Variants in REEP5 observed in about 807,000 individuals in gnomAD.
REEP5 encodes the protein receptor expression-enhancing protein 5.
REEP5 carries 24 observed loss-of-function variants against 22.4 expected under a neutral mutation model. That is an observed-to-expected ratio of 1.07 (90% CI 0.78 to 1.51). The LOEUF is 1.51. REEP5 is among the 40% of genes most tolerant of loss of function. The probability of loss-of-function intolerance (pLI) is 0.00; values close to 1 mark genes in which losing one functional copy is unlikely to be tolerated. For synonymous variants in REEP5, 103 were observed against 88.6 expected (o/e 1.16, Z -0.92); for missense variants, 252 against 233.0 (o/e 1.08, Z -0.53).
intron 4 of REEP5, among the ~76,000 whole-genome samples, chr5:112,886,809 A>C (rs1356995082): frequency 6.6e-6 from 1 of 152,266 alleles, no homozygotes; most frequent in African/African-American, 2.4e-5. Context: ...AGGCTACATT[A>C]AATGTGGCAT....
intron 3 of REEP5, chr5:112,896,638 T>C (rs544789473): frequency 6.6e-6 from 1 of 152,206 alleles, no homozygotes; most frequent in East Asian, 1.9e-4. Context: ...CTCAACCTTG[T>C]TCTAAAAATA....
At chr5:112,899,943 T>C (rs1264745044) in intron 3 of REEP5, among the ~76,000 whole-genome samples, 1 of 152,126 alleles carries the variant, frequency 6.6e-6, no homozygotes, top group Admixed American at 6.6e-5. Context: ...ACTCAAAAAG[T>C]TTGGGGTTTT....
chr5:112,885,818 A>T, intron 4 of REEP5: 1 of 207,384 alleles, frequency 4.8e-6, no homozygotes, highest in Middle Eastern at 7.6e-4. Flanking sequence ...GGTAGTGAAA[A>T]TCAAGGAAGC....
At position 112,877,801 on chromosome 5, in the gene REEP5, T is replaced by C. The variant is rs572632009; in HGVS notation, c.*985A>G. 1 of 152,312 alleles carries C rather than the reference T, an allele frequency of 6.6e-6. No homozygotes were observed. The highest frequency in any genetic ancestry group is 2.4e-5 in the African/African-American group (1 of 41,558). 9.4% of individuals were successfully genotyped at this position (152,312 alleles called of 1,614,324 possible). On this transcript the variant is annotated 3_prime_UTR_variant, in exon 5 of 5. Coordinates refer to ENST00000379638, the MANE Select transcript of REEP5 (RefSeq NM_005669.5). Reference sequence around the variant, plus strand: ...AGGTGGACAAATCTTCAGAAGTTCCTTAAACTGGTTTAAAAAAGAAGATTG... The same window carrying C: ...AGGTGGACAAATCTTCAGAAGTTCCCTAAACTGGTTTAAAAAAGAAGATTG...
At chr5:112,918,345 C>T (rs1249143987) in intron 2 of REEP5, among the ~76,000 whole-genome samples, 2 of 152,094 alleles carry the variant, frequency 1.3e-5, no homozygotes, top group Non-Finnish European at 2.9e-5. Flanking sequence ...TGCAGCAGAC[C>T]CTGACCAGGA....
intron 2 of REEP5, among the ~76,000 whole-genome samples, chr5:112,916,008 A>G (rs969979078): frequency 1.3e-5 from 2 of 152,212 alleles, no homozygotes; most frequent in Non-Finnish European, 2.9e-5. Flanking sequence ...ACTAGCTGCA[A>G]AACAGAAAGT....
chr5:112,920,423 A>G (rs1323929186), intron 2 of REEP5, among the ~76,000 whole-genome samples: 1 of 152,334 alleles, frequency 6.6e-6, no homozygotes, highest in South Asian at 2.1e-4. Context: ...GCAAAACAAA[A>G]TTCATTTCTG....
intron 2 of REEP5, among the ~76,000 whole-genome samples, chr5:112,917,090 C>CA (rs1769247269): frequency 6.6e-6 from 1 of 152,198 alleles, no homozygotes; most frequent in Non-Finnish European, 1.5e-5. Flanking sequence ...TATGAGATTT[C>CA]AAAAGTGTTG....
intron 3 of REEP5, chr5:112,892,293 G>A (rs1382331560): frequency 2.5e-6 from 4 of 1,613,980 alleles, no homozygotes; most frequent in Non-Finnish European, 3.4e-6. Flanking sequence ...GAATGGAGCA[G>A]TGCAGGAGGG....
At chr5:112,913,249 C>T (rs113196925) in intron 2 of REEP5, among the ~76,000 whole-genome samples, 4,818 of 151,248 alleles carry the variant, frequency 0.032, 108 homozygotes, top group African/African-American at 0.061. Flanking sequence ...GAGCTGATTG[C>T]GCCACTGCAC....
At chr5:112,909,278 G>A (rs1288103430) in intron 2 of REEP5, among the ~76,000 whole-genome samples, 1 of 149,104 alleles carries the variant, frequency 6.7e-6, no homozygotes, top group Non-Finnish European at 1.5e-5. Flanking sequence ...GAAGATTAAA[G>A]TAGTTAATAT....
intron 4 of REEP5, chr5:112,885,004 C>T (rs1464757522): frequency 5.3e-5 from 8 of 152,182 alleles, no homozygotes; most frequent in African/African-American, 1.9e-4. Flanking sequence ...TTAATCAGAG[C>T]TGAGAGTGGA....
intron 3 of REEP5, chr5:112,896,494 C>T (rs1186321612): frequency 2.6e-5 from 4 of 151,904 alleles, no homozygotes; most frequent in African/African-American, 9.7e-5. Flanking sequence ...CTTCACTCCA[C>T]TCCAGCCTGA....
At chr5:112,916,474 G>A (rs1317292524) in intron 2 of REEP5, among the ~76,000 whole-genome samples, 1 of 152,180 alleles carries the variant, frequency 6.6e-6, no homozygotes, top group Non-Finnish European at 1.5e-5. Flanking sequence ...CTACATAACA[G>A]ATAAGAAAAG....
At chr5:112,879,269 C>T (rs1767991230) in intron 4 of REEP5, among the ~76,000 whole-genome samples, 1 of 131,110 alleles carries the variant, frequency 7.6e-6, no homozygotes, top group African/African-American at 3.0e-5. Context: ...GGCGACAAAT[C>T]AGAGAAGTCC....
chr5:112,888,001 T>G (rs1042959099), intron 3 of REEP5, among the ~76,000 whole-genome samples: 1 of 152,216 alleles, frequency 6.6e-6, no homozygotes, highest in Non-Finnish European at 1.5e-5. Context: ...GAAAGTTTAA[T>G]AAACAATATA....
intron 3 of REEP5, among the ~76,000 whole-genome samples, chr5:112,889,820 A>AG (rs1162833342): frequency 8.7e-5 from 11 of 126,140 alleles, no homozygotes; most frequent in African/African-American, 4.2e-4. Flanking sequence ...CATCTCTAGG[A>AG]AAAAAAAAAT....
In REEP5 at chr5:112,892,482, G is replaced by A. The variant is rs753608329; in HGVS notation, c.352-5299C>T. 62 of 1,614,012 alleles carry A rather than the reference G, an allele frequency of 3.8e-5. No homozygotes were observed. The East Asian group carries it at 4.2e-4, about 11-fold the overall frequency. Reference sequence around the variant, plus strand: ...GCAATGTATATGTTCAGTACCAGTCGGAAGAAGAATGCCAAGCAGCCCTTT... The same window carrying A: ...GCAATGTATATGTTCAGTACCAGTCAGAAGAAGAATGCCAAGCAGCCCTTT... On this transcript the variant is annotated intron_variant, in intron 3 of 4. Coordinates refer to ENST00000379638, the MANE Select transcript of REEP5 (RefSeq NM_005669.5).
chr5:112,911,822 A>T (rs1769110242), intron 2 of REEP5, among the ~76,000 whole-genome samples: 1 of 152,238 alleles, frequency 6.6e-6, no homozygotes, highest in Non-Finnish European at 1.5e-5. Context: ...AACTTGGAAG[A>T]ACAAAACTTT....
Sources: allele counts gnomAD v4.1 joint callset (sites outside exome capture counted in the v4.1 genomes callset), GRCh38; gene constraint gnomAD v4.1.1; transcripts MANE v1.5; gene names NCBI Gene and HGNC (gene_info 2026-07-23, HGNC 2026-07-21).